The following MYOZ1 variants were observed in gnomAD, a reference collection of about 807,000 sequenced individuals.
MYOZ1 encodes myozenin-1.
A neutral mutation model predicts 28.7 loss-of-function variants in MYOZ1; 20 were observed. The observed-to-expected ratio is 0.70, with a 90% CI of 0.49 to 1.01. The LOEUF (loss-of-function observed/expected upper bound fraction) is 1.01, where lower values mean the gene tolerates loss of function less well. MYOZ1 is among the 50% of genes least tolerant of loss of function. The pLI, the probability that MYOZ1 is intolerant of heterozygous loss-of-function variation, is 0.00. For synonymous variants in MYOZ1, 144 were observed against 145.8 expected, an observed-to-expected ratio of 0.99 and a Z score of 0.09; for missense variants, 371 against 372.4, an observed-to-expected ratio of 1.00 and a Z score of 0.03.
At chr10:73,635,751 T>G (rs1172040555) in intron 3 of MYOZ1, among the ~76,000 whole-genome samples, 1 of 152,162 alleles carries the variant, frequency 6.6e-6, no homozygotes, top group African/African-American at 2.4e-5. Flanking sequence ...AGAGAAATTC[T>G]GCCCCCTCCC....
chr10:73,640,655 C>T (rs2081698499), intron 1 of MYOZ1, among the ~76,000 whole-genome samples: 1 of 152,140 alleles, frequency 6.6e-6, no homozygotes, highest in Admixed American at 6.5e-5. Context: ...ACAAGCAGGG[C>T]AATGCACCCA....
Position 73,637,823 on chromosome 10 carries a change from T to C in MYOZ1, c.173A>G (p.Lys58Arg), listed in dbSNP as rs766655703. ...ELSLLTNRGS[K>R]MFKLRQMRVE... ...CCTCATCTGCCGCAGTTTGAACATC[T>C]TGGAGCCCCGGTTGGTAAGCAGCGA... The change falls in exon 3 of 6, where the codon AAG becomes AGG. Residue 58 changes from lysine (K) to arginine (R), a missense_variant. Transcript: ENST00000359322. 1.2e-5 allele frequency: 19 copies of C among 1,614,020 alleles called. No homozygotes were observed. In the South Asian group the frequency reaches 2.1e-4, roughly 18 times the overall value.
At chr10:73,640,129 G>C (rs1159848676) in intron 1 of MYOZ1, 94 bp from the exon 2 acceptor site, 2 of 1,050,324 alleles carry the variant, frequency 1.9e-6, no homozygotes, top group Middle Eastern at 6.2e-4. Context: ...CTGGGTTTAA[G>C]GGCTTGAGGG....
At chr10:73,640,999 A>G in intron 1 of MYOZ1, among the ~76,000 whole-genome samples, 1 of 152,174 alleles carries the variant, frequency 6.6e-6, no homozygotes, top group East Asian at 1.9e-4. Context: ...GCAATATCAT[A>G]GCAGTGGGGA....
chr10:73,634,777 G>GA (rs1324598613), intron 3 of MYOZ1, 44 bp from the exon 4 acceptor site: 1 of 1,589,690 alleles, frequency 6.3e-7, no homozygotes, highest in East Asian at 2.2e-5. Context: ...AATGGGTATG[G>GA]AAAATATACA....
In MYOZ1 at chr10:73,640,030, T is replaced by C. The variant is rs766753088; in HGVS notation, c.-13A>G. On this transcript the variant is annotated 5_prime_UTR_variant, in exon 2 of 6. Coordinates refer to ENST00000359322, the MANE Select transcript of MYOZ1 (RefSeq NM_021245.4). ...CTGAGAGCGGCATTGTGGAGGTGGATTCAGCCTGGACAGGGTGGGAAGGAG... is the reference window on the plus strand; with the variant it reads ...CTGAGAGCGGCATTGTGGAGGTGGACTCAGCCTGGACAGGGTGGGAAGGAG... 42 of 1,613,442 alleles carry C rather than the reference T, an allele frequency of 2.6e-5. No individual in the cohort carries two copies. The highest frequency in any genetic ancestry group is 3.2e-5 in the Non-Finnish European group (38 of 1,179,788).
chr10:73,639,918 C>T (rs1017662855), intron 2 of MYOZ1, 27 bp downstream of exon 2: 1 of 1,609,256 alleles, frequency 6.2e-7, no homozygotes, highest in Non-Finnish European at 8.5e-7. Context: ...AGAAGTCCCA[C>T]ACTAGGGAGA....
Position 73,633,906 on chromosome 10 carries a change from A to C in MYOZ1, c.662T>G (p.Phe221Cys), listed in dbSNP as rs765561133. The change falls in exon 5 of 6, where the codon TTC becomes TGC. Residue 221 changes from phenylalanine to cysteine, a missense_variant. Coordinates refer to ENST00000359322, the MANE Select transcript of MYOZ1 (RefSeq NM_021245.4). Reference protein sequence around the residue: ...AKAELPKYKSFNRTAMPYGGY... With the variant: ...AKAELPKYKSCNRTAMPYGGY... ...CCTTCCTCACCACCCCTACCTGTTGAAGGACTTATATTTGGGAAGTTCAGC... is the reference window on the plus strand; with the variant it reads ...CCTTCCTCACCACCCCTACCTGTTGCAGGACTTATATTTGGGAAGTTCAGC... The C allele has an allele frequency of 1.9e-6, 3 of 1,607,644 alleles. No homozygotes were observed. Among genetic ancestry groups the C allele is most frequent in the Non-Finnish European group, 2.5e-6 (3 of 1,176,874 alleles).
In MYOZ1 at chr10:73,631,817, T is replaced by A. The variant is rs952630879; in HGVS notation, c.*113A>T. On this transcript the variant is annotated 3_prime_UTR_variant, in exon 6 of 6. Coordinates refer to ENST00000359322, the MANE Select transcript of MYOZ1 (RefSeq NM_021245.4). ...GATGGAAAGGTAGATCTCTCCTTTT[T>A]CCCTCCATTCCCATAAGGATACTGG... 3.3e-6 allele frequency: 3 copies of A among 911,300 alleles called. No individual in the cohort carries two copies. In the East Asian group the frequency reaches 7.9e-5, roughly 24 times the overall value. 56.5% of individuals were successfully genotyped at this position (911,300 alleles called of 1,614,324 possible).
intron 3 of MYOZ1, among the ~76,000 whole-genome samples, chr10:73,635,680 C>A (rs1471851130): frequency 6.6e-6 from 1 of 152,156 alleles, no homozygotes; most frequent in Non-Finnish European, 1.5e-5. Flanking sequence ...TGTGTCCAGC[C>A]CCAACTAAAA....
chr10:73,639,408 C>T (rs1368975910), intron 2 of MYOZ1, among the ~76,000 whole-genome samples: 2 of 152,212 alleles, frequency 1.3e-5, no homozygotes, highest in African/African-American at 4.8e-5. Flanking sequence ...AGGCGTGAGC[C>T]ACTGCACCTG....
chr10:73,639,204 C>A (rs894559210), intron 2 of MYOZ1, among the ~76,000 whole-genome samples: 1 of 151,734 alleles, frequency 6.6e-6, no homozygotes, highest in African/African-American at 2.4e-5. Context: ...CTCACGGCAG[C>A]CTCCACCTCC....
Position 73,634,000 on chromosome 10 carries a change from G to C in MYOZ1, c.568C>G (p.Arg190Gly), listed in dbSNP as rs763242972. The C allele has an allele frequency of 3.1e-6, 5 of 1,613,944 alleles. No individual in the cohort carries two copies. The highest frequency in any genetic ancestry group is 4.2e-6 in the Non-Finnish European group (5 of 1,179,914). ...TGCTGGGGGTCAACCCCCATGGCTC[G>C]CTCCCATGGGGAAATATAGGTCTTG... is the stretch of plus-strand genomic sequence containing the variant. ...VFKTYISPWE[R>G]AMGVDPQQKM... is the part of the protein sequence containing the mutation. Residue 190 changes from arginine to glycine, a missense_variant, in exon 5 of 6, where the codon CGA becomes GGA. Transcript: ENST00000359322.
chr10:73,640,657 A>G (rs568936193), intron 1 of MYOZ1, among the ~76,000 whole-genome samples: 137 of 152,194 alleles, frequency 9.0e-4, no homozygotes, highest in Non-Finnish European at 1.7e-3. Context: ...AAGCAGGGCA[A>G]TGCACCCAGG....
chr10:73,634,394 C>T (rs1250725349), intron 4 of MYOZ1, 90 bp downstream of exon 4: 1 of 1,500,976 alleles, frequency 6.7e-7, no homozygotes, highest in African/African-American at 1.4e-5. Flanking sequence ...AAACTGACCT[C>T]CTCTGCTCCC....
chr10:73,633,542 G>A (rs562023214), intron 5 of MYOZ1, among the ~76,000 whole-genome samples: 31 of 151,924 alleles, frequency 2.0e-4, no homozygotes, highest in Non-Finnish European at 4.0e-4. Flanking sequence ...CTGCCTGGGC[G>A]ATATAGCGAG....
At chr10:73,637,010 C>CTTTTTTTTTTTTTTTTTTTTTTTTTTT (rs200349316) in intron 3 of MYOZ1, among the ~76,000 whole-genome samples, 1 of 137,522 alleles carries the variant, frequency 7.3e-6, no homozygotes. Flanking sequence ...TTTCTTTTTT[C>CTTTTTTTTTTTTTTTTTTTTTTTTTTT]TTTCTTTTTT....
rs749439868 is a variant in MYOZ1, at chr10:73,639,959, A to C, written c.59T>G (p.Met20Arg). 6.2e-7 allele frequency: 1 copy of C among 1,613,974 alleles called. No individual in the cohort carries two copies. Among genetic ancestry groups the C allele is most frequent in the Non-Finnish European group, 8.5e-7 (1 of 1,179,926 alleles). Reference protein sequence around the residue: ...NKKRKSSKLIMELTGGGQESS... With the variant: ...NKKRKSSKLIRELTGGGQESS... Reference sequence around the variant, plus strand: ...ACATGTCCTACCTCCAGTGAGTTCCATGATCAGCTTGCTGGATTTCCTCTT... The same window carrying C: ...ACATGTCCTACCTCCAGTGAGTTCCCTGATCAGCTTGCTGGATTTCCTCTT... The change falls in exon 2 of 6, where the codon ATG (methionine) becomes AGG (arginine). Residue 20 changes from methionine to arginine, a missense_variant. Met to Arg is a moderately conservative substitution (Grantham distance 91, BLOSUM62 -1). Coordinates refer to ENST00000359322, the MANE Select transcript of MYOZ1 (RefSeq NM_021245.4).
chr10:73,637,015 T>C (rs1564984489), intron 3 of MYOZ1, among the ~76,000 whole-genome samples: 2 of 136,422 alleles, frequency 1.5e-5, no homozygotes, highest in South Asian at 2.3e-4. Flanking sequence ...TTTTTCTTTC[T>C]TTTTTTTTTT....
Sources: gnomAD v4.1 joint callset for allele counts (sites outside exome capture counted in the v4.1 genomes callset) on GRCh38, gnomAD v4.1.1 for gene constraint, MANE v1.5 for transcripts, NCBI Gene and HGNC (gene_info 2026-07-23, HGNC 2026-07-21) for gene names.